Variants in MAML2 observed in about 807,000 individuals in gnomAD.
MAML2 encodes the protein mastermind like transcriptional coactivator 2.
In MAML2, 22 loss-of-function variants were observed where a neutral mutation model predicts 96.1. The ratio of observed to expected loss-of-function variants is 0.23; its 90% CI spans 0.16 to 0.33. The LOEUF is 0.33. Among genes scored for constraint, MAML2 ranks in the 10% least tolerant of loss-of-function variants. The probability of loss-of-function intolerance (pLI) is 1.00; values close to 1 mark genes in which losing one functional copy is unlikely to be tolerated. For synonymous variants in MAML2, 561 were observed against 521.3 expected, an observed-to-expected ratio of 1.08 and a Z score of -1.04; for missense variants, 1,367 against 1,392.4, an observed-to-expected ratio of 0.98 and a Z score of 0.29.
rs760646069 is a variant in MAML2, at chr11:96,341,847, C to T, written c.49G>A (p.Ala17Thr). ...CCTCCAAGGAGCCCCGCCCCAGAGG[C>T]CCCCCCTAGCCCTCCTGCGGGGGCC... Reference protein sequence around the residue: ...PQAPAGGLGGASGAGLLGGGS... With the variant: ...PQAPAGGLGGTSGAGLLGGGS... Residue 17 changes from alanine to threonine, a missense_variant, in exon 1 of 5, where the codon GCC becomes ACC. By Grantham distance (58) the Ala-to-Thr change is moderately conservative. Transcript: ENST00000524717. The T allele has an allele frequency of 1.0e-5, 16 of 1,559,360 alleles. No individual in the cohort carries two copies. Among genetic ancestry groups the T allele is most frequent in the African/African-American group, 1.4e-5 (1 of 73,730 alleles).
chr11:96,144,722 T>C (rs1241968174), intron 1 of MAML2, among the ~76,000 whole-genome samples: 2 of 152,248 alleles, frequency 1.3e-5, no homozygotes, highest in Admixed American at 6.5e-5. Flanking sequence ...TTAGATCATC[T>C]GGCAGGCTAT....
rs1233365460 is a variant in MAML2, at chr11:96,142,317, G to C, written c.514-48800C>G. On this transcript the variant is annotated intron_variant, in intron 1 of 4. Coordinates refer to ENST00000524717, the MANE Select transcript of MAML2 (RefSeq NM_032427.4). ...CTCATCTATTTGGGAGAAATCTGAAGGGGCTAGAGTTCCCATCTGAATGAT... is the reference window on the plus strand; with the variant it reads ...CTCATCTATTTGGGAGAAATCTGAACGGGCTAGAGTTCCCATCTGAATGAT... 2.6e-5 allele frequency among the ~76,000 whole-genome samples: 4 copies of C among 152,278 alleles called. No individual in the cohort carries two copies. In the East Asian group the frequency reaches 5.8e-4, roughly 22 times the overall value.
At chr11:96,212,697 G>A (rs1456193907) in intron 1 of MAML2, among the ~76,000 whole-genome samples, 1 of 152,124 alleles carries the variant, frequency 6.6e-6, no homozygotes, top group Non-Finnish European at 1.5e-5. Context: ...GACGGCAGAA[G>A]AGAGAAAGAA....
intron 1 of MAML2, among the ~76,000 whole-genome samples, chr11:96,296,951 T>C (rs1195268508): frequency 6.6e-6 from 1 of 152,210 alleles, no homozygotes; most frequent in African/African-American, 2.4e-5. Flanking sequence ...TGTAGAATTA[T>C]CATGTGAATT....
chr11:96,117,182 A>G (rs531583597), intron 1 of MAML2, among the ~76,000 whole-genome samples: 1 of 152,308 alleles, frequency 6.6e-6, no homozygotes, highest in Non-Finnish European at 1.5e-5. Flanking sequence ...TATGGAAGTC[A>G]ATAAGGTACG....
chr11:96,006,563 C>CCT (rs1554994819), intron 2 of MAML2, among the ~76,000 whole-genome samples: 107 of 138,658 alleles, frequency 7.7e-4, no homozygotes, highest in Non-Finnish European at 1.0e-3. Flanking sequence ...TTTTTTTTTT[C>CCT]TTTTTTTTTT....
chr11:96,092,619 G>A lies in MAML2; in HGVS notation c.1412C>T (p.Ser471Leu), dbSNP rs761423671. The A allele has an allele frequency of 1.7e-5, 28 of 1,613,308 alleles. No individual in the cohort carries two copies. Among genetic ancestry groups the A allele is most frequent in the Non-Finnish European group, 2.2e-5 (26 of 1,179,546 alleles). Residue 471 changes from serine (S) to leucine (L), a missense_variant, in exon 2 of 5, where the codon TCA (serine) becomes TTA (leucine). Physicochemically the swap from Ser to Leu is moderately radical, Grantham distance 145. Transcript: ENST00000524717. The surrounding 1 kb of genome is among the most constrained non-coding windows in gnomAD (Gnocchi z 4.1). ...TTTCTCCTGCCCAAATGGACCTGGT[G>A]ATGGTCCAGCAGAAGAGGGCAAGGC... ...WSALPSSAGP[S>L]PGPFGQEKIP...
intron 2 of MAML2, among the ~76,000 whole-genome samples, chr11:95,997,750 C>G (rs993968681): frequency 6.6e-6 from 1 of 152,080 alleles, no homozygotes; most frequent in Non-Finnish European, 1.5e-5. Flanking sequence ...CAAGTGGTCC[C>G]GAGCCCACTC....
chr11:96,239,634 G>A (rs1862406866), intron 1 of MAML2, among the ~76,000 whole-genome samples: 1 of 152,034 alleles, frequency 6.6e-6, no homozygotes, highest in Non-Finnish European at 1.5e-5. Context: ...AAGAAACCTT[G>A]GTTTCAAATT....
intron 2 of MAML2, among the ~76,000 whole-genome samples, chr11:96,016,699 T>C (rs11021391): frequency 1 from 152,312 of 152,312 alleles, 76,156 homozygotes; most frequent in Non-Finnish European, 1. Flanking sequence ...CAGATTGCCC[T>C]TCTCATCGTA....
chr11:96,054,911 G>A (rs1001910910), intron 2 of MAML2, among the ~76,000 whole-genome samples: 4 of 152,096 alleles, frequency 2.6e-5, no homozygotes. Flanking sequence ...AGTATAGTAG[G>A]GAGATTTCAC....
intron 2 of MAML2, among the ~76,000 whole-genome samples, chr11:96,034,451 G>C (rs1858670690): frequency 6.9e-6 from 1 of 145,300 alleles, no homozygotes; most frequent in South Asian, 2.3e-4. Context: ...GAGAGAGAGA[G>C]AGAGAGTGTG....
chr11:96,281,574 C>T (rs1232135337), intron 1 of MAML2, among the ~76,000 whole-genome samples: 1 of 151,696 alleles, frequency 6.6e-6, no homozygotes, highest in African/African-American at 2.4e-5. Context: ...AGTTAGCAGC[C>T]CTGGTTTTGA....
At chr11:96,227,646 G>T (rs1862234047) in intron 1 of MAML2, among the ~76,000 whole-genome samples, 1 of 152,090 alleles carries the variant, frequency 6.6e-6, no homozygotes, top group African/African-American at 2.4e-5. Flanking sequence ...TTTTCTCATG[G>T]GTAAAATGGA....
At chr11:96,103,677 T>C (rs1565215611) in intron 1 of MAML2, among the ~76,000 whole-genome samples, 1 of 152,200 alleles carries the variant, frequency 6.6e-6, no homozygotes, top group Non-Finnish European at 1.5e-5. Context: ...TCCTTCCCTG[T>C]CTGTTTCTCT....
intron 2 of MAML2, among the ~76,000 whole-genome samples, chr11:96,006,637 C>T (rs1318496694): frequency 1.3e-5 from 2 of 150,766 alleles, no homozygotes; most frequent in Non-Finnish European, 2.9e-5. Context: ...CGGTCCACTG[C>T]AAGCTCTGCC....
At position 95,978,528 on chromosome 11, in the gene MAML2, T is replaced by C. The variant is rs970454029; in HGVS notation, c.*420A>G. On this transcript the variant is annotated 3_prime_UTR_variant, in exon 5 of 5. Coordinates refer to ENST00000524717, the MANE Select transcript of MAML2 (RefSeq NM_032427.4). ...CACAATGGAAAGATTAAACCATACC[T>C]ATCTATTAGAGCAAATTAAGGAGTT... The C allele has an allele frequency of 4.1e-5, 9 of 220,184 alleles. No individual in the cohort carries two copies. Among genetic ancestry groups the C allele is most frequent in the African/African-American group, 2.0e-4 (9 of 44,394 alleles). 13.6% of individuals were successfully genotyped at this position (220,184 alleles called of 1,614,324 possible).
At position 96,113,682 on chromosome 11, in the gene MAML2, T is replaced by C. The variant is rs187548219; in HGVS notation, c.514-20165A>G. On this transcript the variant is annotated intron_variant, in intron 1 of 4. Coordinates refer to ENST00000524717, the MANE Select transcript of MAML2 (RefSeq NM_032427.4). ...GGTTTGCATTTGAAATGGTTACGAA[T>C]GATGAAAAAGAAAAATAGGAGGCTT... 2.7e-3 allele frequency among the ~76,000 whole-genome samples: 413 copies of C among 151,030 alleles called. 4 individuals are homozygous for C. Among genetic ancestry groups the C allele is most frequent in the African/African-American group, 9.5e-3 (391 of 41,164 alleles).
intron 1 of MAML2, among the ~76,000 whole-genome samples, chr11:96,191,994 G>T (rs1323487996): frequency 2.0e-5 from 3 of 152,138 alleles, no homozygotes; most frequent in Non-Finnish European, 4.4e-5. Context: ...AGGAATTCCC[G>T]CAATGAACGC....
Sources: allele counts gnomAD v4.1 joint callset (sites outside exome capture counted in the v4.1 genomes callset), GRCh38; gene constraint gnomAD v4.1.1; non-coding constraint Gnocchi (gnomAD v3.1); transcripts MANE v1.5; gene names NCBI Gene and HGNC (gene_info 2026-07-23, HGNC 2026-07-21).